GRID2: variants seen among roughly 807,000 people sequenced by gnomAD.
The protein encoded by GRID2 is glutamate receptor ionotropic, delta-2.
A neutral mutation model predicts 114.8 loss-of-function variants in GRID2; 33 were observed. The observed-to-expected ratio is 0.29, with a 90% confidence interval of 0.22 to 0.38. The LOEUF (loss-of-function observed/expected upper bound fraction) is 0.38, where lower values mean the gene tolerates loss of function less well. Ranked by LOEUF, GRID2 falls within the 10% of genes least tolerant of loss-of-function variation. The pLI is 1.00. For synonymous variants in GRID2, 505 were observed against 449.9 expected, an observed-to-expected ratio of 1.12 and a Z score of -1.55; for missense variants, 1,184 against 1,257.7, an observed-to-expected ratio of 0.94 and a Z score of 0.89.
intron 11 of GRID2, 78 bp from the exon 12 acceptor site, chr4:93,490,561 G>T: frequency 9.7e-7 from 1 of 1,027,582 alleles, no homozygotes; most frequent in Non-Finnish European, 1.4e-6. Context: ...AAGTTAATTT[G>T]GTGTTGAATA....
chr4:93,543,712 G>GAT (rs1190352830), intron 13 of GRID2, among the ~76,000 whole-genome samples: 2 of 56,914 alleles, frequency 3.5e-5, no homozygotes, highest in Non-Finnish European at 1.3e-4. Context: ...GTGAGAGATA[G>GAT]AGAGAGAGAG....
chr4:92,580,364 T>G (rs1279026537), intron 1 of GRID2, among the ~76,000 whole-genome samples: 1 of 151,418 alleles, frequency 6.6e-6, no homozygotes, highest in Non-Finnish European at 1.5e-5. Flanking sequence ...GAGTTCAGAG[T>G]TAATAAATTA....
chr4:92,450,477 A>C lies in GRID2; in HGVS notation c.89-139654A>C, dbSNP rs1019656433. 4.6e-5 allele frequency among the ~76,000 whole-genome samples: 7 copies of C among 152,256 alleles called. No homozygotes were observed. The East Asian group carries it at 1.3e-3, about 29-fold the overall frequency. On this transcript the variant is annotated intron_variant, in intron 1 of 15. Coordinates refer to ENST00000282020, the MANE Select transcript of GRID2 (RefSeq NM_001510.4). ...ATTTTTATCTCATTCATCTTCAGAG[A>C]TAGACCAGTGTAAGTTCATTGATTT...
In GRID2 at chr4:93,238,342, T is replaced by C. The variant is rs182620999; in HGVS notation, c.1126-29T>C. 3,536 of 1,518,586 alleles carry C rather than the reference T, an allele frequency of 2.3e-3. 4 individuals carry two copies. The highest frequency in any genetic ancestry group is 2.8e-3 in the Middle Eastern group (16 of 5,758). The allele number at this position is 1,518,586 out of a possible 1,614,324, so 94.1% of individuals were successfully genotyped here. ...TTATTTATTTTTTTACTTCTCAAATTTTACATCAGTATCTGTTCTCTCCTT... is the reference window on the plus strand; with the variant it reads ...TTATTTATTTTTTTACTTCTCAAATCTTACATCAGTATCTGTTCTCTCCTT... On this transcript the variant is annotated intron_variant, in intron 7 of 15. Coordinates refer to ENST00000282020, the MANE Select transcript of GRID2 (RefSeq NM_001510.4).
At position 93,442,191 on chromosome 4, in the gene GRID2, T is replaced by C. The variant is rs566817787; in HGVS notation, c.1546-13471T>C. Reference sequence around the variant, plus strand: ...ATTGAAAATTTTACTATAATGAAGATAAAAATTCACTCAATTCTAGTTCTT... The same window carrying C: ...ATTGAAAATTTTACTATAATGAAGACAAAAATTCACTCAATTCTAGTTCTT... On this transcript the variant is annotated intron_variant, in intron 10 of 15. Transcript: ENST00000282020. Among the ~76,000 whole-genome samples, 5 of 152,188 alleles carry C rather than the reference T, an allele frequency of 3.3e-5. No individual in the cohort carries two copies. In the East Asian group the frequency reaches 9.7e-4, roughly 30 times the overall value.
At chr4:92,628,247 A>C (rs118003216) in intron 2 of GRID2, among the ~76,000 whole-genome samples, 2 of 152,274 alleles carry the variant, frequency 1.3e-5, no homozygotes, top group East Asian at 3.9e-4. Flanking sequence ...AGCAGCTCCC[A>C]CTTATTTTCT....
At chr4:93,126,870 T>G (rs1253811670) in intron 4 of GRID2, among the ~76,000 whole-genome samples, 1 of 152,154 alleles carries the variant, frequency 6.6e-6, no homozygotes, top group African/African-American at 2.4e-5. Flanking sequence ...GTGCTGGGAT[T>G]ACAGGCGTGA....
intron 1 of GRID2, among the ~76,000 whole-genome samples, chr4:92,474,606 A>G (rs1722204122): frequency 6.6e-6 from 1 of 152,046 alleles, no homozygotes; most frequent in African/African-American, 2.4e-5. Context: ...TGTTTTTCAT[A>G]ATGATGGTAT....
At chr4:92,471,951 T>TTTTTTA (rs1491224515) in intron 1 of GRID2, among the ~76,000 whole-genome samples, 1 of 99,250 alleles carries the variant, frequency 1.0e-5, no homozygotes. Context: ...TTTTTTTTTT[T>TTTTTTA]GAGACGGAGT....
chr4:92,802,870 A>G (rs139428858), intron 2 of GRID2, among the ~76,000 whole-genome samples: 1 of 152,070 alleles, frequency 6.6e-6, no homozygotes, highest in Non-Finnish European at 1.5e-5. Context: ...GAGCCTTAGA[A>G]TAAGTCTGAA....
intron 8 of GRID2, among the ~76,000 whole-genome samples, chr4:93,386,326 A>C (rs893670679): frequency 2.0e-5 from 3 of 152,188 alleles, no homozygotes; most frequent in African/African-American, 7.2e-5. Context: ...AATTATAATC[A>C]TATCAGGATA....
intron 1 of GRID2, among the ~76,000 whole-genome samples, chr4:92,332,244 T>G (rs914626197): frequency 6.7e-6 from 1 of 150,294 alleles, no homozygotes; most frequent in Admixed American, 6.6e-5. Flanking sequence ...CTTGTGAGGG[T>G]CTTCTTGCAG....
At chr4:92,499,763 C>T (rs1214421293) in intron 1 of GRID2, among the ~76,000 whole-genome samples, 2 of 152,132 alleles carry the variant, frequency 1.3e-5, no homozygotes. Flanking sequence ...TACAGGGACG[C>T]ACCACCATGC....
intron 8 of GRID2, among the ~76,000 whole-genome samples, chr4:93,258,027 C>A (rs919248719): frequency 5.5e-5 from 8 of 146,268 alleles, no homozygotes; most frequent in East Asian, 4.0e-4. Context: ...CACACACACA[C>A]AATACTGGTA....
At chr4:93,731,394 G>A (rs1178053091) in intron 14 of GRID2, among the ~76,000 whole-genome samples, 2 of 152,154 alleles carry the variant, frequency 1.3e-5, no homozygotes, top group African/African-American at 4.8e-5. Context: ...GAGCGGACAG[G>A]AATCATCCAC....
intron 13 of GRID2, among the ~76,000 whole-genome samples, chr4:93,527,865 C>T (rs1279638308): frequency 1.3e-5 from 2 of 152,018 alleles, no homozygotes; most frequent in Non-Finnish European, 2.9e-5. Flanking sequence ...AAATTCCCTC[C>T]TCCCATTCCC....
At chr4:93,239,293 A>C (rs56202445) in intron 8 of GRID2, among the ~76,000 whole-genome samples, 8,089 of 149,958 alleles carry the variant, frequency 0.054, 370 homozygotes, top group African/African-American at 0.12. Flanking sequence ...AATCATATGT[A>C]TATATACACA....
At chr4:92,493,379 G>C (rs1030407094) in intron 1 of GRID2, among the ~76,000 whole-genome samples, 2 of 152,176 alleles carry the variant, frequency 1.3e-5, no homozygotes, top group Middle Eastern at 6.8e-3. Context: ...ATCACCATCA[G>C]CTTAGTAGCT....
At chr4:93,192,559 C>T (rs1274501957) in intron 4 of GRID2, among the ~76,000 whole-genome samples, 2 of 151,786 alleles carry the variant, frequency 1.3e-5, no homozygotes, top group Non-Finnish European at 2.9e-5. Flanking sequence ...CTGGCCAACA[C>T]GTGGAAAGGC....
Sources: allele counts gnomAD v4.1 joint callset (sites outside exome capture counted in the v4.1 genomes callset), GRCh38; gene constraint gnomAD v4.1.1; transcripts MANE v1.5; gene names NCBI Gene and HGNC (gene_info 2026-07-23, HGNC 2026-07-21).